The following PIEZO2 variants were observed in gnomAD, a reference collection of about 807,000 sequenced individuals.
PIEZO2 encodes the protein piezo-type mechanosensitive ion channel component 2.
Under a neutral mutation model 337.3 loss-of-function variants are expected in PIEZO2, and 172 were observed. The observed-to-expected ratio is 0.51, with a 90% CI of 0.45 to 0.58. The LOEUF is 0.58. Ranked by LOEUF, PIEZO2 falls within the 20% of genes least tolerant of loss-of-function variation. The probability of loss-of-function intolerance (pLI) is 0.00; values close to 1 mark genes in which losing one functional copy is unlikely to be tolerated. For missense variants in PIEZO2, 3,028 were observed against 3,391.3 expected, an observed-to-expected ratio of 0.89 and a Z score of 2.66; for synonymous variants, 1,251 against 1,228.5, an observed-to-expected ratio of 1.02 and a Z score of -0.38.
At chr18:10,901,915 C>CAA (rs1031085814) in intron 4 of PIEZO2, among the ~76,000 whole-genome samples, 3 of 128,650 alleles carry the variant, frequency 2.3e-5, no homozygotes, top group Admixed American at 7.9e-5. Context: ...ATATGCAAAA[C>CAA]AAAAAAAAAA....
chr18:10,698,817 T>C, intron 44 of PIEZO2, 108 bp downstream of exon 44: 1 of 1,347,110 alleles, frequency 7.4e-7, no homozygotes, highest in Non-Finnish European at 9.9e-7. Flanking sequence ...ACAATGTCTG[T>C]CTCTTGATAG....
At chr18:10,705,868 T>C in intron 40 of PIEZO2, 122 bp from the exon 41 acceptor site, 1 of 1,189,790 alleles carries the variant, frequency 8.4e-7, no homozygotes, top group Non-Finnish European at 1.1e-6. Flanking sequence ...CCCCCCTGCA[T>C]TCCATCTGCT....
intron 3 of PIEZO2, among the ~76,000 whole-genome samples, chr18:10,915,346 T>C (rs1485652690): frequency 5.5e-5 from 8 of 145,456 alleles, no homozygotes; most frequent in African/African-American, 7.7e-5. Flanking sequence ...TTCCCTCACT[T>C]CCCAGTTACA....
rs1437334006 is a variant in PIEZO2, at chr18:10,742,481, T to C, written c.4636+13A>G. ...TGTTAAAACTTGAATAAGAGGAAAATGTCTTGACATACTTTCATCATCCTC... is the reference window on the plus strand; with the variant it reads ...TGTTAAAACTTGAATAAGAGGAAAACGTCTTGACATACTTTCATCATCCTC... On this transcript the variant is annotated intron_variant, in intron 32 of 55. Transcript: ENST00000674853. The C allele has an allele frequency of 2.0e-6, 3 of 1,537,014 alleles. No homozygotes were observed. In the East Asian group the frequency reaches 7.3e-5, roughly 38 times the overall value.
chr18:10,743,349 T>C (rs889472941), intron 31 of PIEZO2, among the ~76,000 whole-genome samples: 3 of 152,132 alleles, frequency 2.0e-5, no homozygotes, highest in Non-Finnish European at 4.4e-5. Context: ...TCCATTTGCT[T>C]GGGGAAAGTA....
intron 3 of PIEZO2, among the ~76,000 whole-genome samples, chr18:10,970,660 TCACACACACACACACACA>T (rs71169962): frequency 0.025 from 3,404 of 137,530 alleles, 52 homozygotes; most frequent in Middle Eastern, 0.084. Context: ...AAAAGATGTT[TCACACACACACACACACA>T]CACACACACA....
intron 35 of PIEZO2, among the ~76,000 whole-genome samples, chr18:10,733,386 G>A (rs1469691769): frequency 6.6e-6 from 1 of 152,044 alleles, no homozygotes; most frequent in Non-Finnish European, 1.5e-5. Context: ...CAATGAAGAG[G>A]AGGGGGAAAC....
Position 10,813,187 on chromosome 18 carries a change from G to T in PIEZO2, c.918-5913C>A, listed in dbSNP as rs149845482. Among the ~76,000 whole-genome samples, 108 of 152,152 alleles carry T rather than the reference G, an allele frequency of 7.1e-4. 2 individuals carry two copies. The East Asian group carries it at 0.02, about 28-fold the overall frequency. On this transcript the variant is annotated intron_variant, in intron 7 of 55. Transcript: ENST00000674853. This position sits in a 1 kb window ranked among gnomAD's most constrained non-coding sequence, Gnocchi z 4.2. The stretch of plus-strand genomic sequence containing the variant: ...GTAGAGAAGGGATTTCACCATGTTG[G>T]CCAGGCTGGTCTCCAACTCCTGACC...
At chr18:10,681,557 C>A in intron 51 of PIEZO2, 104 bp downstream of exon 51, 1 of 902,942 alleles carries the variant, frequency 1.1e-6, no homozygotes, top group Non-Finnish European at 1.7e-6. Flanking sequence ...CCTGAAAAGT[C>A]CTCCTTCCCA....
intron 12 of PIEZO2, among the ~76,000 whole-genome samples, chr18:10,797,011 A>T (rs945231177): frequency 6.6e-6 from 1 of 151,972 alleles, no homozygotes; most frequent in African/African-American, 2.4e-5. Context: ...CCGTCATAGC[A>T]TACATACCAT....
chr18:10,851,032 C>T (rs1354041449), intron 7 of PIEZO2, among the ~76,000 whole-genome samples: 1 of 152,098 alleles, frequency 6.6e-6, no homozygotes, highest in Non-Finnish European at 1.5e-5. Context: ...GGAAGTGAGA[C>T]AGAAGGGCTG....
At chr18:10,912,959 T>A (rs1008299914) in intron 3 of PIEZO2, among the ~76,000 whole-genome samples, 1 of 151,626 alleles carries the variant, frequency 6.6e-6, no homozygotes, top group Non-Finnish European at 1.5e-5. Flanking sequence ...TTTTGCTGAG[T>A]AGGAGTAAAA....
chr18:10,924,599 G>T (rs193114144), intron 3 of PIEZO2, among the ~76,000 whole-genome samples: 3 of 152,246 alleles, frequency 2.0e-5, no homozygotes, highest in African/African-American at 4.8e-5. Flanking sequence ...ATGCAAAGTC[G>T]ACCAACAAGG....
At chr18:10,880,850 TATATATATATATATA>T (rs1312890106) in intron 4 of PIEZO2, among the ~76,000 whole-genome samples, 23 of 5,466 alleles carry the variant, frequency 4.2e-3, no homozygotes, top group African/African-American at 0.013. Context: ...ACATATCATA[TATATATATATATATA>T]TATATATATA....
intron 3 of PIEZO2, among the ~76,000 whole-genome samples, chr18:10,934,316 G>A (rs890509590): frequency 6.6e-6 from 1 of 152,186 alleles, no homozygotes; most frequent in Non-Finnish European, 1.5e-5. Flanking sequence ...ATCCAGGAGT[G>A]AGGTTAAGTC....
intron 3 of PIEZO2, among the ~76,000 whole-genome samples, chr18:10,937,519 C>A (rs1294805679): frequency 6.6e-6 from 1 of 152,132 alleles, no homozygotes. Context: ...TATGTTATTT[C>A]CCCTCCGTAC....
At chr18:10,926,084 G>C (rs914154877) in intron 3 of PIEZO2, among the ~76,000 whole-genome samples, 1 of 152,194 alleles carries the variant, frequency 6.6e-6, no homozygotes, top group Non-Finnish European at 1.5e-5. Context: ...TTGCATTCCA[G>C]GGGAGAGCAC....
chr18:11,122,057 C>T (rs2040042550), intron 1 of PIEZO2, among the ~76,000 whole-genome samples: 1 of 152,118 alleles, frequency 6.6e-6, no homozygotes, highest in African/African-American at 2.4e-5. Context: ...AGGTTCATGC[C>T]ATTCTCCTGC....
rs188140253 is a variant in PIEZO2, at chr18:10,961,629, A to C, written c.286+17906T>G. 3.3e-4 allele frequency among the ~76,000 whole-genome samples: 51 copies of C among 152,352 alleles called. 1 individual carries two copies. The East Asian group carries it at 8.9e-3, about 26-fold the overall frequency. ...TTCAAAAAGAGTCAGCTTGTATAGA[A>C]TATAGTGCTCAGGAGATTCTCATTT... On this transcript the variant is annotated intron_variant, in intron 3 of 55. Transcript: ENST00000674853.
Sources: allele counts gnomAD v4.1 joint callset (sites outside exome capture counted in the v4.1 genomes callset), GRCh38; gene constraint gnomAD v4.1.1; non-coding constraint Gnocchi (gnomAD v3.1); transcripts MANE v1.5; gene names NCBI Gene and HGNC (gene_info 2026-07-23, HGNC 2026-07-21).